The following SLAIN2 variants were observed in gnomAD, a reference collection of about 807,000 sequenced individuals.
SLAIN2 encodes SLAIN motif-containing protein 2.
SLAIN2 carries 31 observed loss-of-function variants against 56.6 expected under a neutral mutation model. That is an observed-to-expected ratio of 0.55 (90% CI 0.41 to 0.74). The LOEUF (loss-of-function observed/expected upper bound fraction) is 0.74. Among genes scored for constraint, SLAIN2 ranks in the 30% least tolerant of loss-of-function variants. The pLI is 0.00. For synonymous variants in SLAIN2, 317 were observed against 284.9 expected, an observed-to-expected ratio of 1.11 and a Z score of -1.13; for missense variants, 777 against 754.2, an observed-to-expected ratio of 1.03 and a Z score of -0.35.
At chr4:48,365,909 T>G (rs6821277) in intron 1 of SLAIN2, among the ~76,000 whole-genome samples, 61,303 of 151,972 alleles carry the variant, frequency 0.4, 12,727 homozygotes, top group East Asian at 0.5. Flanking sequence ...AAGCTTAGAT[T>G]ATTGATTTTA....
intron 1 of SLAIN2, among the ~76,000 whole-genome samples, chr4:48,367,988 A>G (rs998505068): frequency 8.7e-5 from 13 of 149,080 alleles, no homozygotes; most frequent in African/African-American, 3.0e-4. Context: ...GCTTTTCTAG[A>G]CATTTCATAT....
chr4:48,379,995 T>C (rs2109760979), intron 4 of SLAIN2, 147 bp downstream of exon 4: 5 of 737,938 alleles, frequency 6.8e-6, no homozygotes, highest in Admixed American at 3.5e-5. Context: ...AGTCAACATA[T>C]GTACATGTTT....
At chr4:48,376,732 C>G (rs1429812918) in intron 2 of SLAIN2, among the ~76,000 whole-genome samples, 4 of 149,584 alleles carry the variant, frequency 2.7e-5, no homozygotes, top group African/African-American at 9.8e-5. Flanking sequence ...CGCCATTCTC[C>G]TGCCTCAGCC....
At chr4:48,359,828 A>G (rs1366478622) in intron 1 of SLAIN2, among the ~76,000 whole-genome samples, 2 of 152,200 alleles carry the variant, frequency 1.3e-5, no homozygotes, top group Admixed American at 6.5e-5. Flanking sequence ...CATTTCTAAT[A>G]ACTCAGTATT....
intron 6 of SLAIN2, among the ~76,000 whole-genome samples, chr4:48,392,529 CATTT>C (rs1443243382): frequency 1.3e-5 from 2 of 152,174 alleles, no homozygotes; most frequent in African/African-American, 2.4e-5. Flanking sequence ...CCTTTACCCT[CATTT>C]ATTCCACCCA....
chr4:48,393,125 C>G (rs146655456), intron 6 of SLAIN2, among the ~76,000 whole-genome samples: 1 of 151,960 alleles, frequency 6.6e-6, no homozygotes, highest in African/African-American at 2.4e-5. Context: ...GTAATTCCAG[C>G]ACTTCGGGAT....
chr4:48,347,306 G>T (rs1714894472), intron 1 of SLAIN2, among the ~76,000 whole-genome samples: 1 of 152,016 alleles, frequency 6.6e-6, no homozygotes, highest in Non-Finnish European at 1.5e-5. Context: ...ACAGCTCACT[G>T]CAGCTTCAGT....
Position 48,383,674 on chromosome 4 carries a change from T to A in SLAIN2, c.1250T>A (p.Leu417Gln). 6.2e-7 allele frequency: 1 copy of A among 1,601,536 alleles called. No individual in the cohort carries two copies. The highest frequency in any genetic ancestry group is 1.1e-5 in the South Asian group (1 of 88,826). The part of the protein sequence containing the change: ...EEKLRRSLPN[L>Q]SRTSNTQVDS... ...AAACTAAGACGCAGTCTTCCAAACC[T>A]GTCCCGAACATCTAATACACAAGTT... The change falls in exon 6 of 8, where the codon CTG becomes CAG. Residue 417 changes from leucine to glutamine, a missense_variant. Coordinates refer to ENST00000264313, the MANE Select transcript of SLAIN2 (RefSeq NM_020846.2).
intron 1 of SLAIN2, among the ~76,000 whole-genome samples, chr4:48,348,758 C>T (rs2109733668): frequency 6.6e-6 from 1 of 151,664 alleles, no homozygotes; most frequent in South Asian, 2.1e-4. Context: ...AGATATTTAG[C>T]AGCGGAAGCA....
At chr4:48,411,723 C>G (rs889809845) in intron 6 of SLAIN2, among the ~76,000 whole-genome samples, 3 of 152,136 alleles carry the variant, frequency 2.0e-5, no homozygotes, top group African/African-American at 7.2e-5. Context: ...TGTACTCACT[C>G]ACTATTGGAG....
In SLAIN2 at chr4:48,389,520, G is replaced by A. The variant is rs370101436; in HGVS notation, c.1360+5736G>A. On this transcript the variant is annotated intron_variant, in intron 6 of 7. Transcript: ENST00000264313. ...ATGTTAAGACAGCCCACGCCTTCCA[G>A]TAGCAGGGAGAGTTAGACAGGAACC... Among the ~76,000 whole-genome samples, 17 of 152,322 alleles carry A rather than the reference G, an allele frequency of 1.1e-4. 1 individual carries two copies. In the South Asian group the frequency reaches 1.7e-3, roughly 15 times the overall value.
chr4:48,348,272 A>C (rs185384128), intron 1 of SLAIN2, among the ~76,000 whole-genome samples: 1 of 152,214 alleles, frequency 6.6e-6, no homozygotes, highest in African/African-American at 2.4e-5. Context: ...GTTGGAAATA[A>C]CCTTCAAAAG....
At chr4:48,351,486 T>C (rs1715008071) in intron 1 of SLAIN2, among the ~76,000 whole-genome samples, 1 of 152,188 alleles carries the variant, frequency 6.6e-6, no homozygotes. Context: ...TTATTTGCCA[T>C]TGGTTATACT....
intron 7 of SLAIN2, among the ~76,000 whole-genome samples, 174 bp from the exon 8 acceptor site, chr4:48,421,837 A>G (rs182585822): frequency 1.1e-4 from 17 of 151,954 alleles, no homozygotes; most frequent in South Asian, 6.3e-4. Flanking sequence ...GGAAGTTGTG[A>G]AAATGCAGAG....
intron 6 of SLAIN2, among the ~76,000 whole-genome samples, chr4:48,391,738 G>C (rs533269936): frequency 1.0e-3 from 156 of 152,248 alleles, no homozygotes; most frequent in African/African-American, 3.7e-3. Context: ...GGTTATTTAG[G>C]AGACAACAGG....
At chr4:48,347,152 A>G (rs529267156) in intron 1 of SLAIN2, among the ~76,000 whole-genome samples, 1 of 151,242 alleles carries the variant, frequency 6.6e-6, no homozygotes, top group East Asian at 1.9e-4. Flanking sequence ...CATGGTTGAT[A>G]AAAGTATATT....
intron 1 of SLAIN2, among the ~76,000 whole-genome samples, chr4:48,363,367 C>T (rs1378538110): frequency 7.9e-4 from 60 of 75,522 alleles, no homozygotes; most frequent in African/African-American, 2.3e-3. Flanking sequence ...ACCTCCCGGA[C>T]GGGGCGGCTG....
Position 48,422,230 on chromosome 4 carries a change from T to A in SLAIN2, c.*153T>A. 3.3e-6 allele frequency: 2 copies of A among 598,628 alleles called. No individual in the cohort carries two copies. The highest frequency in any genetic ancestry group is 4.2e-5 in the South Asian group (2 of 47,908). 37.1% of individuals were successfully genotyped at this position (598,628 alleles called of 1,614,324 possible). On this transcript the variant is annotated 3_prime_UTR_variant, in exon 8 of 8. Transcript: ENST00000264313. The stretch of plus-strand genomic sequence containing the variant: ...CTTAATTAGCACAAACCGACAGAGA[T>A]CATCAAACAGCACTTTAATGACATT...
At chr4:48,416,605 G>T (rs1215341972) in intron 6 of SLAIN2, among the ~76,000 whole-genome samples, 13 of 151,470 alleles carry the variant, frequency 8.6e-5, no homozygotes, top group Non-Finnish European at 1.5e-4. Context: ...ATGTTGAATA[G>T]GAGCGGTGAG....
Sources: allele counts gnomAD v4.1 joint callset (sites outside exome capture counted in the v4.1 genomes callset), GRCh38; gene constraint gnomAD v4.1.1; transcripts MANE v1.5; gene names NCBI Gene and HGNC (gene_info 2026-07-23, HGNC 2026-07-21).